Variants in WDR7 observed in about 807,000 individuals in gnomAD.
WDR7 encodes the protein WD repeat domain 7.
Under a neutral mutation model 169.4 loss-of-function variants are expected in WDR7, and 46 were observed. The ratio of observed to expected loss-of-function variants is 0.27; its 90% CI spans 0.21 to 0.35. The LOEUF (loss-of-function observed/expected upper bound fraction) is 0.35. Ranked by LOEUF, WDR7 falls within the 10% of genes least tolerant of loss-of-function variation. The pLI is 1.00. For missense variants in WDR7, 1,534 were observed against 1,859.3 expected (o/e 0.83, Z 3.22); for synonymous variants, 612 against 666.8 (o/e 0.92, Z 1.27).
chr18:56,654,598 A>G (rs149751954), intron 1 of WDR7, among the ~76,000 whole-genome samples: 5 of 152,304 alleles, frequency 3.3e-5, no homozygotes, highest in East Asian at 1.9e-4. Flanking sequence ...TTACAAGTGT[A>G]TCTGTTCCTA....
chr18:56,744,245 GAAAAAAAA>G (rs58110613), intron 14 of WDR7, among the ~76,000 whole-genome samples: 4 of 86,884 alleles, frequency 4.6e-5, no homozygotes, highest in African/African-American at 8.2e-5. Flanking sequence ...TCTCAAAAAA[GAAAAAAAA>G]AAAAAAAAAA....
chr18:56,900,080 GTGTATA>G (rs1370022642), intron 21 of WDR7, among the ~76,000 whole-genome samples: 1,620 of 30,200 alleles, frequency 0.054, 16 homozygotes, highest in Middle Eastern at 0.13. Context: ...GTGTGTGTGT[GTGTATA>G]TATATATATA....
chr18:56,964,531 G>A (rs1350464169), intron 26 of WDR7, among the ~76,000 whole-genome samples: 3 of 151,806 alleles, frequency 2.0e-5, no homozygotes, highest in African/African-American at 4.8e-5. Flanking sequence ...GATTACAGGC[G>A]CACACCACCA....
chr18:56,875,084 T>C (rs997453482), intron 20 of WDR7, among the ~76,000 whole-genome samples: 1 of 152,228 alleles, frequency 6.6e-6, no homozygotes, highest in African/African-American at 2.4e-5. Flanking sequence ...AGCTAAACAA[T>C]GGAATTTAAA....
At chr18:56,680,214 C>T (rs981595791) in intron 3 of WDR7, among the ~76,000 whole-genome samples, 12 of 152,006 alleles carry the variant, frequency 7.9e-5, no homozygotes, top group Non-Finnish European at 1.3e-4. Flanking sequence ...AAAAACTAGC[C>T]GGGCATGATG....
At chr18:56,921,825 G>A (rs1289724988) in intron 21 of WDR7, among the ~76,000 whole-genome samples, 2 of 152,136 alleles carry the variant, frequency 1.3e-5, no homozygotes, top group Non-Finnish European at 2.9e-5. Flanking sequence ...AAATTGTCCA[G>A]AGCGGTGAGG....
chr18:56,670,170 G>A (rs1344618507), intron 1 of WDR7, among the ~76,000 whole-genome samples: 1 of 152,036 alleles, frequency 6.6e-6, no homozygotes, highest in Non-Finnish European at 1.5e-5. Flanking sequence ...CAATTCGCTG[G>A]TAGTCCTTTC....
intron 26 of WDR7, among the ~76,000 whole-genome samples, chr18:56,987,274 A>G (rs999577459): frequency 8.7e-5 from 11 of 125,850 alleles, no homozygotes; most frequent in South Asian, 2.7e-4. Context: ...GTTAAGCCTT[A>G]TCATCTGTAC....
intron 1 of WDR7, among the ~76,000 whole-genome samples, chr18:56,671,600 A>G (rs1279035438): frequency 6.6e-6 from 1 of 152,146 alleles, no homozygotes; most frequent in Non-Finnish European, 1.5e-5. Flanking sequence ...TGTTTAGCTC[A>G]GTGTGAAACA....
At chr18:56,949,149 T>G (rs948622681) in intron 25 of WDR7, among the ~76,000 whole-genome samples, 1 of 151,444 alleles carries the variant, frequency 6.6e-6, no homozygotes, top group Non-Finnish European at 1.5e-5. Context: ...TCTCTCTCTC[T>G]CTCTCTTTCC....
At chr18:56,815,498 G>A (rs768655250) in intron 19 of WDR7, among the ~76,000 whole-genome samples, 5 of 152,164 alleles carry the variant, frequency 3.3e-5, no homozygotes, top group Non-Finnish European at 7.3e-5. Context: ...TTCTTTCATT[G>A]TGATAATTAC....
intron 20 of WDR7, among the ~76,000 whole-genome samples, chr18:56,819,117 G>A (rs2045035569): frequency 6.6e-6 from 1 of 152,074 alleles, no homozygotes; most frequent in African/African-American, 2.4e-5. Context: ...TTTCTTTTGG[G>A]TACAAATGGG....
intron 20 of WDR7, among the ~76,000 whole-genome samples, chr18:56,832,931 C>T (rs902014222): frequency 2.6e-5 from 4 of 152,162 alleles, no homozygotes; most frequent in Middle Eastern, 3.4e-3. Context: ...GCCTCTTCTC[C>T]TCCAAAGGAT....
At chr18:56,766,202 G>A (rs545927850) in intron 16 of WDR7, among the ~76,000 whole-genome samples, 10 of 152,056 alleles carry the variant, frequency 6.6e-5, no homozygotes, top group South Asian at 4.2e-4. Context: ...AAGATTTTCC[G>A]TTTATCACTG....
At chr18:56,981,522 GA>G in intron 26 of WDR7, among the ~76,000 whole-genome samples, 1 of 152,134 alleles carries the variant, frequency 6.6e-6, no homozygotes, top group Non-Finnish European at 1.5e-5. Flanking sequence ...ACAAAGCCCT[GA>G]AAAACTTCAG....
At chr18:56,953,198 CTAAAAAA>C (rs2047205975) in intron 25 of WDR7, among the ~76,000 whole-genome samples, 1 of 152,036 alleles carries the variant, frequency 6.6e-6, no homozygotes, top group Non-Finnish European at 1.5e-5. Context: ...TAAAACATCT[CTAAAAAA>C]TAAACCGTAT....
intron 19 of WDR7, among the ~76,000 whole-genome samples, chr18:56,796,677 C>T (rs7232870): frequency 0.038 from 5,846 of 152,012 alleles, 377 homozygotes; most frequent in African/African-American, 0.13. Context: ...TAATAATACA[C>T]AAGAAGAAAA....
At chr18:56,792,765 A>AACAC (rs10551903) in intron 19 of WDR7, among the ~76,000 whole-genome samples, 4,068 of 147,756 alleles carry the variant, frequency 0.028, 177 homozygotes, top group African/African-American at 0.096. Context: ...TATTTTCTTT[A>AACAC]ACACACACAC....
At chr18:56,944,801 TA>T (rs2047081561) in intron 25 of WDR7, among the ~76,000 whole-genome samples, 1 of 152,184 alleles carries the variant, frequency 6.6e-6, no homozygotes, top group Non-Finnish European at 1.5e-5. Context: ...ATTAATAATA[TA>T]TTTTTCATTT....
Sources: gnomAD v4.1 joint callset for allele counts (sites outside exome capture counted in the v4.1 genomes callset) on GRCh38, gnomAD v4.1.1 for gene constraint, MANE v1.5 for transcripts, NCBI Gene and HGNC (gene_info 2026-07-23, HGNC 2026-07-21) for gene names.